The following COL4A4 variants were observed in gnomAD, a reference collection of about 807,000 sequenced individuals.
The protein encoded by COL4A4 is collagen type IV alpha 4 chain.
COL4A4 carries 105 observed loss-of-function variants against 192.9 expected under a neutral mutation model. The ratio of observed to expected loss-of-function variants is 0.54; its 90% CI spans 0.46 to 0.64. The LOEUF (loss-of-function observed/expected upper bound fraction) is 0.64. Among genes scored for constraint, COL4A4 ranks in the 30% least tolerant of loss-of-function variants. COL4A4 has a pLI of 0.00. For missense variants in COL4A4, 1,967 were observed against 2,169.3 expected (o/e 0.91, Z 1.85); for synonymous variants, 762 against 769.9 (o/e 0.99, Z 0.17).
At chr2:227,149,000 T>A (rs1302540378) in intron 1 of COL4A4, among the ~76,000 whole-genome samples, 1 of 152,014 alleles carries the variant, frequency 6.6e-6, no homozygotes, top group East Asian at 1.9e-4. Context: ...CCGGCTAATT[T>A]TTTATTTATT....
At chr2:227,044,059 GTTC>G (rs1316108181) in intron 35 of COL4A4, among the ~76,000 whole-genome samples, 1 of 152,126 alleles carries the variant, frequency 6.6e-6, no homozygotes, top group Non-Finnish European at 1.5e-5. Flanking sequence ...GCACAATTCA[GTTC>G]TTCTCTAGTT....
chr2:227,047,863 A>G (rs1471071854), intron 34 of COL4A4, among the ~76,000 whole-genome samples: 2 of 152,162 alleles, frequency 1.3e-5, no homozygotes, highest in Non-Finnish European at 2.9e-5. Flanking sequence ...TATTTAAGAA[A>G]TTATTTGGCA....
At chr2:227,112,265 T>C (rs558784243) in intron 8 of COL4A4, among the ~76,000 whole-genome samples, 2 of 151,454 alleles carry the variant, frequency 1.3e-5, no homozygotes, top group East Asian at 3.9e-4. Context: ...AAATATGACA[T>C]TTCAACCTTT....
intron 44 of COL4A4, among the ~76,000 whole-genome samples, chr2:227,020,880 CTTT>C (rs57119611): frequency 4.7e-5 from 6 of 127,584 alleles, no homozygotes; most frequent in Non-Finnish European, 6.4e-5. Context: ...ACACTTTTTT[CTTT>C]TTTTTTTTTT....
intron 30 of COL4A4, among the ~76,000 whole-genome samples, 177 bp downstream of exon 30, chr2:227,055,768 C>T (rs910984950): frequency 2.0e-5 from 3 of 152,154 alleles, no homozygotes; most frequent in Non-Finnish European, 2.9e-5. Context: ...GGTACAGAAA[C>T]ATTTCGCCAC....
At chr2:227,008,665 A>G (rs763382185) in intron 46 of COL4A4, among the ~76,000 whole-genome samples, 12 of 152,230 alleles carry the variant, frequency 7.9e-5, no homozygotes, top group Non-Finnish European at 1.3e-4. Context: ...GACCTCAAGG[A>G]AGGATAACTG....
At chr2:226,980,427 T>C in the COL4A4 span, among the ~76,000 whole-genome samples, 1 of 152,116 alleles carries the variant, frequency 6.6e-6, no homozygotes, top group Non-Finnish European at 1.5e-5. Flanking sequence ...AACGGGAGAT[T>C]TGGGGTGTGG....
chr2:227,110,311 G>A (rs375818427), intron 9 of COL4A4, among the ~76,000 whole-genome samples: 1 of 152,206 alleles, frequency 6.6e-6, no homozygotes, highest in African/African-American at 2.4e-5. Context: ...ACATGGACCT[G>A]AGCTTCAATC....
At chr2:227,115,422 C>G (rs914743051) in intron 7 of COL4A4, among the ~76,000 whole-genome samples, 20 of 151,716 alleles carry the variant, frequency 1.3e-4, no homozygotes, top group Non-Finnish European at 2.6e-4. Context: ...AGGCACCCAC[C>G]ACCGTGCCTG....
At chr2:227,079,465 G>A (rs2059205971) in intron 24 of COL4A4, among the ~76,000 whole-genome samples, 1 of 152,210 alleles carries the variant, frequency 6.6e-6, no homozygotes, top group Admixed American at 6.5e-5. Flanking sequence ...TTGTGATCAG[G>A]AGAAAGGTCA....
the COL4A4 span, chr2:226,995,486 G>A: frequency 1.2e-6 from 2 of 1,613,316 alleles, no homozygotes; most frequent in Non-Finnish European, 1.7e-6. Flanking sequence ...CAGAAGAAAT[G>A]AGGAGACAGC....
chr2:227,118,974 C>T (rs531629743), intron 6 of COL4A4, among the ~76,000 whole-genome samples: 2 of 151,954 alleles, frequency 1.3e-5, no homozygotes, highest in Non-Finnish European at 2.9e-5. Context: ...ATTTAGTTTG[C>T]AGTACTCTGG....
intron 47 of COL4A4, 51 bp downstream of exon 47, chr2:227,007,967 G>A (rs1346766432): frequency 6.3e-7 from 1 of 1,588,350 alleles, no homozygotes; most frequent in Non-Finnish European, 8.5e-7. Context: ...GGCGGGAGAA[G>A]GTGTTAGGAA....
the COL4A4 span, among the ~76,000 whole-genome samples, chr2:226,984,866 A>T: frequency 6.7e-6 from 1 of 148,354 alleles, no homozygotes; most frequent in East Asian, 2.1e-4. Context: ...GCACAGTCAG[A>T]ATGAGAGCTA....
intron 1 of COL4A4, among the ~76,000 whole-genome samples, chr2:227,150,519 A>T (rs1195909635): frequency 1.3e-5 from 2 of 152,142 alleles, no homozygotes; most frequent in African/African-American, 2.4e-5. Context: ...TATAATAAAA[A>T]TTTTTTAACT....
intron 7 of COL4A4, among the ~76,000 whole-genome samples, chr2:227,118,407 C>T (rs2061601035): frequency 6.6e-6 from 1 of 152,184 alleles, no homozygotes; most frequent in South Asian, 2.1e-4. Flanking sequence ...TTCCTTAAAA[C>T]CATCCAGTGC....
chr2:227,108,291 G>A (rs1270042313), intron 12 of COL4A4, among the ~76,000 whole-genome samples: 1 of 152,160 alleles, frequency 6.6e-6, no homozygotes, highest in African/African-American at 2.4e-5. Context: ...TCCGTGATTT[G>A]ACAAAGCTGT....
chr2:227,119,894 C>T lies in COL4A4; in HGVS notation c.372+1G>A. On this transcript the variant is annotated splice_donor_variant, in intron 6 of 47. Coordinates refer to ENST00000396625, the MANE Select transcript of COL4A4 (RefSeq NM_000092.5). LOFTEE classifies it high-confidence loss of function. Reference sequence around the variant, plus strand: ...AGTGGAGAAAATTTAGGGATACTTACAGGTATGCCATCTAAACCTGGAAAT... The same window carrying T: ...AGTGGAGAAAATTTAGGGATACTTATAGGTATGCCATCTAAACCTGGAAAT... The T allele has an allele frequency of 6.3e-7, 1 of 1,582,678 alleles. No homozygotes were observed. The highest frequency in any genetic ancestry group is 8.6e-7 in the Non-Finnish European group (1 of 1,163,046).
chr2:227,003,229 AAAG>A lies in COL4A4; in HGVS notation c.*4093_*4095del, dbSNP rs1249440105. The A allele has an allele frequency of 5.3e-5, 8 of 152,260 alleles. No individual in the cohort carries two copies. The highest frequency in any genetic ancestry group is 2.1e-4 in the South Asian group (1 of 4,828). The allele number at this position is 152,260 out of a possible 1,614,324, so 9.4% of individuals were successfully genotyped here. ...GAGAATCATAATTCTGTGTAAAAAA[AAAG>A]AAATATTTTTCGTATTAGTTTATTT... On this transcript the variant is annotated 3_prime_UTR_variant, in exon 48 of 48. Transcript: ENST00000396625.
Sources: gnomAD v4.1 joint callset for allele counts (sites outside exome capture counted in the v4.1 genomes callset) on GRCh38, gnomAD v4.1.1 for gene constraint, MANE v1.5 for transcripts, NCBI Gene and HGNC (gene_info 2026-07-23, HGNC 2026-07-21) for gene names.